The following SULF1 variants were observed in gnomAD, a reference collection of about 807,000 sequenced individuals.
SULF1 encodes the protein extracellular sulfatase Sulf-1.
SULF1 carries 46 observed loss-of-function variants against 110.5 expected under a neutral mutation model. The ratio of observed to expected loss-of-function variants is 0.42; its 90% CI spans 0.33 to 0.53. The LOEUF is 0.53. Among genes scored for constraint, SULF1 ranks in the 20% least tolerant of loss-of-function variants. SULF1 has a pLI of 0.12. For missense variants in SULF1, 941 were observed against 1,094.2 expected (o/e 0.86, Z 1.98); for synonymous variants, 371 against 387.1 (o/e 0.96, Z 0.49).
chr8:69,526,020 A>C (rs148077114), intron 3 of SULF1, among the ~76,000 whole-genome samples: 1 of 152,210 alleles, frequency 6.6e-6, no homozygotes, highest in Non-Finnish European at 1.5e-5. Context: ...ATTTGAGAAT[A>C]TAATATATTC....
chr8:69,469,411 G>T (rs568522822), intron 1 of SULF1: 4 of 152,338 alleles, frequency 2.6e-5, no homozygotes, highest in African/African-American at 9.6e-5. Context: ...ACAGATCTTA[G>T]AGGTGAAAAG....
At chr8:69,655,255 C>T (rs527642634) in intron 22 of SULF1, among the ~76,000 whole-genome samples, 12 of 152,278 alleles carry the variant, frequency 7.9e-5, no homozygotes, top group African/African-American at 2.9e-4. Flanking sequence ...ATATGTCTGA[C>T]AGTGCAAGAG....
intron 3 of SULF1, among the ~76,000 whole-genome samples, chr8:69,504,240 CAAGT>C (rs560148566): frequency 1.2e-3 from 182 of 151,998 alleles, no homozygotes; most frequent in African/African-American, 3.8e-3. Context: ...TGGGAAAATA[CAAGT>C]AAGTGTCTAG....
At position 69,628,984 on chromosome 8, in the gene SULF1, C is replaced by T. The variant is rs114463097; in HGVS notation, c.2109-520C>T. ...AGGAAAATGTTGGTCCTCTTAGGTT[C>T]AATAAGGTCCCAAGAAAGCTGTCAC... is the stretch of plus-strand genomic sequence containing the variant. On this transcript the variant is annotated intron_variant, in intron 18 of 22. Transcript: ENST00000402687. 1.2e-3 allele frequency among the ~76,000 whole-genome samples: 186 copies of T among 152,272 alleles called. 1 individual carries two copies. Among genetic ancestry groups the T allele is most frequent in the African/African-American group, 4.3e-3 (178 of 41,560 alleles).
rs554620122 is a variant in SULF1, at chr8:69,593,195, G to A, written c.734+4054G>A. On this transcript the variant is annotated intron_variant, in intron 8 of 22. Transcript: ENST00000402687. ...GAGGAAGGGGCTGGAAGGAGTGAGTGTGTGCACAGGTTCAGAGTTCAGTCT... is the reference window on the plus strand; with the variant it reads ...GAGGAAGGGGCTGGAAGGAGTGAGTATGTGCACAGGTTCAGAGTTCAGTCT... 3.3e-5 allele frequency among the ~76,000 whole-genome samples: 5 copies of A among 152,298 alleles called. No homozygotes were observed. In the South Asian group the frequency reaches 1.0e-3, roughly 32 times the overall value.
intron 22 of SULF1, among the ~76,000 whole-genome samples, chr8:69,654,906 A>G (rs1812602728): frequency 6.6e-6 from 1 of 152,202 alleles, no homozygotes; most frequent in Non-Finnish European, 1.5e-5. Flanking sequence ...GATGTGAGCT[A>G]TCTTTGCTCA....
intron 22 of SULF1, among the ~76,000 whole-genome samples, chr8:69,657,806 G>T (rs1812841305): frequency 6.6e-6 from 1 of 152,174 alleles, no homozygotes; most frequent in African/African-American, 2.4e-5. Context: ...GTTATTTTCT[G>T]CAGGGCTACA....
intron 3 of SULF1, among the ~76,000 whole-genome samples, chr8:69,517,007 T>G (rs961917750): frequency 1.6e-4 from 25 of 152,140 alleles, no homozygotes; most frequent in African/African-American, 6.0e-4. Flanking sequence ...CTTAGTCCAT[T>G]TTCTGCTTCC....
chr8:69,476,483 T>C (rs1809303361), intron 1 of SULF1, among the ~76,000 whole-genome samples: 1 of 152,192 alleles, frequency 6.6e-6, no homozygotes, highest in Non-Finnish European at 1.5e-5. Flanking sequence ...GCAGCATGAC[T>C]GAAAGAATAC....
intron 13 of SULF1, among the ~76,000 whole-genome samples, chr8:69,610,490 C>G (rs1288758289): frequency 1.3e-5 from 2 of 152,194 alleles, no homozygotes; most frequent in Non-Finnish European, 2.9e-5. Flanking sequence ...CCTGGCTAAC[C>G]TGATTCCAGA....
intron 8 of SULF1, chr8:69,597,506 C>T (rs988153941): frequency 1.3e-5 from 2 of 152,118 alleles, no homozygotes; most frequent in African/African-American, 2.4e-5. Flanking sequence ...GACAACAGTC[C>T]CTGAACTTTC....
intron 19 of SULF1, among the ~76,000 whole-genome samples, chr8:69,634,177 T>C (rs1461381975): frequency 1.3e-5 from 2 of 152,244 alleles, no homozygotes; most frequent in African/African-American, 4.8e-5. Context: ...TTTAGGATTT[T>C]TTCCCCACAG....
At chr8:69,521,224 G>T (rs1047804060) in intron 3 of SULF1, among the ~76,000 whole-genome samples, 28 of 151,834 alleles carry the variant, frequency 1.8e-4, no homozygotes, top group African/African-American at 6.0e-4. Flanking sequence ...ATAAATATTT[G>T]TTGGGCACCT....
rs374677035 is a variant in SULF1, at chr8:69,603,159, G to A, written c.1062-33G>A. 6.2e-6 allele frequency: 10 copies of A among 1,611,354 alleles called. No individual in the cohort carries two copies. The African/African-American group carries it at 1.2e-4, about 19-fold the overall frequency. ...CTAAGTGCCACCTTCCCCTGGCATT[G>A]GATCTCAGCCATCACCGTGTGCCCC... is the stretch of plus-strand genomic sequence containing the variant. On this transcript the variant is annotated intron_variant, in intron 10 of 22. Transcript: ENST00000402687.
At chr8:69,651,305 A>G (rs62512192) in intron 22 of SULF1, among the ~76,000 whole-genome samples, 18,166 of 152,092 alleles carry the variant, frequency 0.12, 2,269 homozygotes, top group African/African-American at 0.32. Flanking sequence ...CGCCCACCTC[A>G]GCCTTCCAGA....
Position 69,649,972 on chromosome 8 carries a change from C to CTTTTTT in SULF1, c.2586-8501_2586-8496dup, listed in dbSNP as rs536073966. Among the ~76,000 whole-genome samples, 41 of 30,588 alleles carry CTTTTTT rather than the reference C, an allele frequency of 1.3e-3. 19 individuals carry two copies. The highest frequency in any genetic ancestry group is 2.4e-3 in the Non-Finnish European group (37 of 15,148). The allele number at this position is 30,588 out of a possible 152,430, so 20.1% of individuals were successfully genotyped here. ...CCCACTCTGTAATTCCTCCTGCTTG[C>CTTTTTT]TTTTTTTTTTTTTTTTTTTTTTTTT... On this transcript the variant is annotated intron_variant, in intron 22 of 22. Transcript: ENST00000402687.
chr8:69,511,558 T>C lies in SULF1; in HGVS notation c.-134+9590T>C, dbSNP rs534107898. Among the ~76,000 whole-genome samples the C allele has an allele frequency of 1.6e-4, 25 of 152,338 alleles. No homozygotes were observed. In the Middle Eastern group the frequency reaches 0.014, roughly 83 times the overall value. On this transcript the variant is annotated intron_variant, in intron 3 of 22. Coordinates refer to ENST00000402687, the MANE Select transcript of SULF1 (RefSeq NM_001128205.2). ...CATCAAAACATCTGTTGAGACTTAATTTTTTAGAGCCATTTTTGGTTCACA... is the reference window on the plus strand; with the variant it reads ...CATCAAAACATCTGTTGAGACTTAACTTTTTAGAGCCATTTTTGGTTCACA...
At chr8:69,656,564 C>T (rs1415777945) in intron 22 of SULF1, among the ~76,000 whole-genome samples, 1 of 152,198 alleles carries the variant, frequency 6.6e-6, no homozygotes, top group East Asian at 1.9e-4. Context: ...TAAGTGAGAA[C>T]ATGCAGTGTT....
chr8:69,479,953 C>T (rs372874707), intron 1 of SULF1, among the ~76,000 whole-genome samples: 1 of 151,984 alleles, frequency 6.6e-6, no homozygotes, highest in Non-Finnish European at 1.5e-5. Flanking sequence ...TGAGGGCTAC[C>T]GTGAGTAATC....
Sources: gnomAD v4.1 joint callset for allele counts (sites outside exome capture counted in the v4.1 genomes callset) on GRCh38, gnomAD v4.1.1 for gene constraint, MANE v1.5 for transcripts, NCBI Gene and HGNC (gene_info 2026-07-23, HGNC 2026-07-21) for gene names.